Variants in PUS7L observed in about 807,000 individuals in gnomAD.
The protein encoded by PUS7L is pseudouridylate synthase PUS7L.
A neutral mutation model predicts 51.1 loss-of-function variants in PUS7L; 49 were observed. The ratio of observed to expected loss-of-function variants is 0.96; its 90% CI spans 0.76 to 1.22. The LOEUF (loss-of-function observed/expected upper bound fraction) is 1.22. Ranked by LOEUF, PUS7L falls within the 50% of genes most tolerant of loss-of-function variation. PUS7L has a pLI of 0.00. For synonymous variants in PUS7L, 277 were observed against 276.2 expected, an observed-to-expected ratio of 1.00 and a Z score of -0.03; for missense variants, 828 against 820.6, an observed-to-expected ratio of 1.01 and a Z score of -0.11.
chr12:43,758,094 T>C (rs1317754037), intron 1 of PUS7L, among the ~76,000 whole-genome samples: 1 of 152,062 alleles, frequency 6.6e-6, no homozygotes, highest in Non-Finnish European at 1.5e-5. Context: ...TCCGATGGAG[T>C]AACAGTTAGA....
At chr12:43,749,317 A>G (rs1938329713) in intron 2 of PUS7L, among the ~76,000 whole-genome samples, 1 of 152,140 alleles carries the variant, frequency 6.6e-6, no homozygotes, top group Admixed American at 6.5e-5. Flanking sequence ...TTCCCCTTGT[A>G]TGTTCATTGC....
At chr12:43,731,635 T>A (rs1340083110) in intron 8 of PUS7L, 70 bp downstream of exon 8, 5 of 770,352 alleles carry the variant, frequency 6.5e-6, no homozygotes, top group Non-Finnish European at 8.7e-6. Context: ...GGGAACTAGT[T>A]AACATTTTGC....
intron 2 of PUS7L, among the ~76,000 whole-genome samples, chr12:43,751,068 C>T (rs1388554651): frequency 6.6e-6 from 1 of 152,090 alleles, no homozygotes; most frequent in Non-Finnish European, 1.5e-5. Flanking sequence ...ATTCATTTAT[C>T]TCCTGTAGTT....
At position 43,724,123 on chromosome 12, in the gene PUS7L, A is replaced by G. The variant is rs1237246676; in HGVS notation, c.*6253T>C. 1 of 152,058 alleles carries G rather than the reference A, an allele frequency of 6.6e-6. No homozygotes were observed. Among genetic ancestry groups the G allele is most frequent in the Non-Finnish European group, 1.5e-5 (1 of 67,928 alleles). 9.4% of individuals were successfully genotyped at this position (152,058 alleles called of 1,614,324 possible). Reference sequence around the variant, plus strand: ...CAACCTCTTTTCCTACCCTTACATTAATGTAAAAGACTTTGCATTAAATTA... The same window carrying G: ...CAACCTCTTTTCCTACCCTTACATTGATGTAAAAGACTTTGCATTAAATTA... On this transcript the variant is annotated 3_prime_UTR_variant, in exon 9 of 9. Coordinates refer to ENST00000344862, the MANE Select transcript of PUS7L (RefSeq NM_031292.5).
At chr12:43,736,974 T>C (rs73280413) in intron 6 of PUS7L, among the ~76,000 whole-genome samples, 2,381 of 151,614 alleles carry the variant, frequency 0.016, 73 homozygotes, top group African/African-American at 0.053. Context: ...TAAAACAAAA[T>C]CAAACAAACA....
In PUS7L at chr12:43,736,670, A is replaced by G; in HGVS notation, c.1445-9T>C. The G allele has an allele frequency of 6.2e-7, 1 of 1,611,542 alleles. No homozygotes were observed. The highest frequency in any genetic ancestry group is 8.5e-7 in the Non-Finnish European group (1 of 1,178,258). On this transcript the variant is annotated splice_polypyrimidine_tract_variant and intron_variant, in intron 6 of 8. Transcript: ENST00000344862. Reference sequence around the variant, plus strand: ...TGTGCCTTTAGCATCCTCTGAAACAAAGGGTAAATCAGGTATAGTTAGCCA... The same window carrying G: ...TGTGCCTTTAGCATCCTCTGAAACAGAGGGTAAATCAGGTATAGTTAGCCA...
chr12:43,756,319 C>T (rs1310042308), intron 1 of PUS7L, among the ~76,000 whole-genome samples: 2 of 152,182 alleles, frequency 1.3e-5, no homozygotes, highest in Non-Finnish European at 2.9e-5. Flanking sequence ...CAGGCTGCTT[C>T]TTCTTCAGTC....
chr12:43,738,036 T>C (rs1357828968), intron 6 of PUS7L: 2 of 291,658 alleles, frequency 6.9e-6, no homozygotes, highest in East Asian at 6.7e-5. Context: ...TTTGGAACTC[T>C]CTCTCAGAGG....
chr12:43,752,465 G>A (rs143683443), intron 2 of PUS7L, among the ~76,000 whole-genome samples: 36 of 152,176 alleles, frequency 2.4e-4, no homozygotes, highest in African/African-American at 8.4e-4. Context: ...TATCACGTGT[G>A]CTTTACTGAC....
chr12:43,724,692 C>T lies in PUS7L; in HGVS notation c.*5684G>A, dbSNP rs1446907795. The T allele has an allele frequency of 1.3e-5, 2 of 152,036 alleles. No homozygotes were observed. Among genetic ancestry groups the T allele is most frequent in the African/African-American group, 4.8e-5 (2 of 41,416 alleles). 9.4% of individuals were successfully genotyped at this position (152,036 alleles called of 1,614,324 possible). On this transcript the variant is annotated 3_prime_UTR_variant, in exon 9 of 9. Coordinates refer to ENST00000344862, the MANE Select transcript of PUS7L (RefSeq NM_031292.5). ...AACAGAATCAGTGGGTTACTAAAGT[C>T]GCATATTAAAGCAGTGGTAGAGCCC...
intron 2 of PUS7L, among the ~76,000 whole-genome samples, chr12:43,750,551 AGT>A (rs1194082936): frequency 6.6e-6 from 1 of 152,202 alleles, no homozygotes; most frequent in African/African-American, 2.4e-5. Context: ...TTAAAAACAA[AGT>A]CAATTACACT....
At chr12:43,750,684 T>C (rs553342408) in intron 2 of PUS7L, among the ~76,000 whole-genome samples, 62 of 152,298 alleles carry the variant, frequency 4.1e-4, no homozygotes, top group African/African-American at 1.5e-3. Flanking sequence ...CAGCCATCTT[T>C]AGAGACTGGC....
chr12:43,736,529 A>G lies in PUS7L; in HGVS notation c.1577T>C (p.Met526Thr), dbSNP rs1304627671. The stretch of plus-strand genomic sequence containing the variant: ...ATATGCGTGAACATAGAATATGCGC[A>G]TGGAATGGGGTAAAGAGAACCATGC... ...IQAWFSLPHS[M>T]RIFYVHAYTS... Residue 526 changes from methionine to threonine, a missense_variant, in exon 7 of 9, where the codon ATG becomes ACG. Coordinates refer to ENST00000344862, the MANE Select transcript of PUS7L (RefSeq NM_031292.5). 10 of 1,614,126 alleles carry G rather than the reference A, an allele frequency of 6.2e-6. No individual in the cohort carries two copies. Among genetic ancestry groups the G allele is most frequent in the African/African-American group, 4.0e-5 (3 of 74,938 alleles).
chr12:43,730,840 C>T (rs1344269641), intron 8 of PUS7L, 138 bp from the exon 9 acceptor site: 1 of 608,558 alleles, frequency 1.6e-6, no homozygotes, highest in Non-Finnish European at 2.9e-6. Context: ...CAGCCTAAAA[C>T]ATGCTTTAAA....
intron 2 of PUS7L, among the ~76,000 whole-genome samples, chr12:43,750,245 C>T (rs1056032677): frequency 6.6e-6 from 1 of 151,942 alleles, no homozygotes; most frequent in Non-Finnish European, 1.5e-5. Flanking sequence ...CATTTTTTCA[C>T]CCATAAAGAT....
At chr12:43,731,263 A>C (rs1944547457) in intron 8 of PUS7L, among the ~76,000 whole-genome samples, 1 of 152,236 alleles carries the variant, frequency 6.6e-6, no homozygotes, top group African/African-American at 2.4e-5. Context: ...AAGAAAAGGA[A>C]GAAGGTAAAA....
At position 43,754,966 on chromosome 12, in the gene PUS7L, A is replaced by C; in HGVS notation, c.280T>G (p.Tyr94Asp). 2 of 1,613,752 alleles carry C rather than the reference A, an allele frequency of 1.2e-6. No homozygotes were observed. The highest frequency in any genetic ancestry group is 1.7e-6 in the Non-Finnish European group (2 of 1,179,782). Residue 94 changes from tyrosine (Y) to aspartate (D), a missense_variant, in exon 2 of 9, where the codon TAC (tyrosine) becomes GAC (aspartate). Transcript: ENST00000344862. Reference protein sequence around the residue: ...RNQEVHTLIKYTDGDQNHQSG... With the variant: ...RNQEVHTLIKDTDGDQNHQSG... ...TGATGATTTTGGTCACCATCAGTGTACTTAATCAAAGTATGAACTTCTTGG... is the reference window on the plus strand; with the variant it reads ...TGATGATTTTGGTCACCATCAGTGTCCTTAATCAAAGTATGAACTTCTTGG...
intron 2 of PUS7L, among the ~76,000 whole-genome samples, 155 bp downstream of exon 2, chr12:43,754,181 T>C (rs1938582147): frequency 6.6e-6 from 1 of 152,194 alleles, no homozygotes; most frequent in African/African-American, 2.4e-5. Context: ...TAAGAATTCC[T>C]AGAGTTGCTT....
intron 4 of PUS7L, among the ~76,000 whole-genome samples, chr12:43,745,482 C>T (rs1049604563): frequency 6.6e-6 from 1 of 152,128 alleles, no homozygotes; most frequent in Non-Finnish European, 1.5e-5. Context: ...TCCTCCTTTG[C>T]CTGGCACTTC....
Sources: gnomAD v4.1 joint callset for allele counts (sites outside exome capture counted in the v4.1 genomes callset) on GRCh38, gnomAD v4.1.1 for gene constraint, MANE v1.5 for transcripts, NCBI Gene and HGNC (gene_info 2026-07-23, HGNC 2026-07-21) for gene names.